The following NEDD9 variants were observed in gnomAD, a reference collection of about 807,000 sequenced individuals.
NEDD9 encodes neural precursor cell expressed, developmentally down-regulated 9.
Under a neutral mutation model 76.6 loss-of-function variants are expected in NEDD9, and 26 were observed. The observed-to-expected ratio is 0.34, with a 90% CI of 0.25 to 0.47. NEDD9 has a LOEUF of 0.47. Ranked by LOEUF, NEDD9 falls within the 20% of genes least tolerant of loss-of-function variation. The pLI is 1.00. For missense variants in NEDD9, 937 were observed against 1,058.5 expected, an observed-to-expected ratio of 0.89 and a Z score of 1.59; for synonymous variants, 392 against 414.2, an observed-to-expected ratio of 0.95 and a Z score of 0.65.
intron 1 of NEDD9, among the ~76,000 whole-genome samples, chr6:11,350,676 C>T (rs1274842859): frequency 1.3e-5 from 2 of 152,140 alleles, no homozygotes; most frequent in African/African-American, 2.4e-5. Flanking sequence ...CAATGATTGG[C>T]TTATTGAGCC....
At chr6:11,329,362 A>G (rs961398098) in intron 2 of NEDD9, among the ~76,000 whole-genome samples, 9 of 151,758 alleles carry the variant, frequency 5.9e-5, no homozygotes, top group Admixed American at 1.3e-4. Context: ...GCCCGGGGCA[A>G]CTCCTTCACC....
chr6:11,324,788 G>A (rs1332087527), intron 2 of NEDD9, among the ~76,000 whole-genome samples: 1 of 152,204 alleles, frequency 6.6e-6, no homozygotes, highest in Admixed American at 6.5e-5. Flanking sequence ...GCTGGGGAGG[G>A]GGAGGGACAC....
intron 1 of NEDD9, among the ~76,000 whole-genome samples, chr6:11,381,401 C>T (rs1273621349): frequency 6.6e-6 from 1 of 152,162 alleles, no homozygotes; most frequent in Non-Finnish European, 1.5e-5. Context: ...ACGATTGTCC[C>T]CTTTATGATT....
At chr6:11,308,438 C>T (rs1372725201) in intron 2 of NEDD9, among the ~76,000 whole-genome samples, 3 of 140,870 alleles carry the variant, frequency 2.1e-5, no homozygotes, top group South Asian at 2.2e-4. Context: ...GGCGCAATCT[C>T]GGCTCACTGC....
At chr6:11,346,067 G>C (rs1306400825) in intron 1 of NEDD9, among the ~76,000 whole-genome samples, 1 of 152,212 alleles carries the variant, frequency 6.6e-6, no homozygotes, top group Admixed American at 6.5e-5. Flanking sequence ...GCCACTCTCT[G>C]ACATGGTCTA....
chr6:11,371,599 A>G (rs1762876324), intron 1 of NEDD9, among the ~76,000 whole-genome samples: 1 of 152,224 alleles, frequency 6.6e-6, no homozygotes, highest in Non-Finnish European at 1.5e-5. Flanking sequence ...TTTGTTTTAC[A>G]AACGTATTTG....
At chr6:11,227,944 A>T (rs1759352773) in intron 1 of NEDD9, among the ~76,000 whole-genome samples, 1 of 152,134 alleles carries the variant, frequency 6.6e-6, no homozygotes, top group Non-Finnish European at 1.5e-5. Context: ...AAGTCATGTA[A>T]ACGCAAACAG....
At position 11,353,164 on chromosome 6, in the gene NEDD9, T is replaced by C. The variant is rs376159008; in HGVS notation, c.-213-18603A>G. The stretch of plus-strand genomic sequence containing the variant: ...CCAAGATCAAAGAGTTATTTTTCTG[T>C]CCCTGTTTTTCTCTTTCCTGGCTGC... On this transcript the variant is annotated intron_variant, in intron 1 of 3. Coordinates refer to the NEDD9 transcript ENST00000397378. Among the ~76,000 whole-genome samples the C allele has an allele frequency of 2.2e-4, 33 of 152,380 alleles. No homozygotes were observed. In the East Asian group the frequency reaches 3.8e-3, roughly 18 times the overall value.
chr6:11,230,019 T>G (rs993622300), intron 1 of NEDD9, among the ~76,000 whole-genome samples: 7 of 152,234 alleles, frequency 4.6e-5, no homozygotes, highest in Non-Finnish European at 1.0e-4. Flanking sequence ...ATTTTAAGGT[T>G]TGTGCTAAAT....
intron 4 of NEDD9, among the ~76,000 whole-genome samples, chr6:11,192,060 C>T (rs1034677033): frequency 6.6e-6 from 1 of 152,150 alleles, no homozygotes; most frequent in South Asian, 2.1e-4. Flanking sequence ...TAGTACTTGC[C>T]AAACTGAACT....
At chr6:11,321,520 C>A (rs920837751) in intron 2 of NEDD9, among the ~76,000 whole-genome samples, 5 of 152,194 alleles carry the variant, frequency 3.3e-5, no homozygotes, top group African/African-American at 9.7e-5. Flanking sequence ...CTTTGCCTCT[C>A]AAGGGAGCTG....
chr6:11,338,249 G>A (rs1762203981), intron 1 of NEDD9, among the ~76,000 whole-genome samples: 1 of 152,158 alleles, frequency 6.6e-6, no homozygotes, highest in South Asian at 2.1e-4. Flanking sequence ...GAACATGAAA[G>A]CAGAGATTAG....
At chr6:11,264,413 T>C (rs1486162190) in intron 3 of NEDD9, among the ~76,000 whole-genome samples, 2 of 152,046 alleles carry the variant, frequency 1.3e-5, no homozygotes, top group African/African-American at 2.4e-5. Flanking sequence ...GTGGTGTCTA[T>C]AAAGATTGAG....
chr6:11,247,590 C>T (rs1478613042), intron 3 of NEDD9, among the ~76,000 whole-genome samples: 1 of 152,174 alleles, frequency 6.6e-6, no homozygotes, highest in Non-Finnish European at 1.5e-5. Flanking sequence ...CATCAGCCAT[C>T]ACTCCCCATT....
At chr6:11,353,413 A>G (rs1307117395) in intron 1 of NEDD9, among the ~76,000 whole-genome samples, 1 of 152,236 alleles carries the variant, frequency 6.6e-6, no homozygotes, top group East Asian at 1.9e-4. Flanking sequence ...GGCCCTGTGA[A>G]GATGGAGGCA....
intron 1 of NEDD9, among the ~76,000 whole-genome samples, chr6:11,369,102 C>T (rs1057394605): frequency 2.6e-5 from 4 of 152,324 alleles, no homozygotes; most frequent in African/African-American, 9.6e-5. Flanking sequence ...TGAACTCAGG[C>T]AGTTGGTTCT....
At chr6:11,296,841 G>A (rs1013250326) in intron 3 of NEDD9, among the ~76,000 whole-genome samples, 2 of 152,078 alleles carry the variant, frequency 1.3e-5, no homozygotes, top group Non-Finnish European at 2.9e-5. Context: ...CAATTCTCCT[G>A]CCTCAGCCTC....
intron 1 of NEDD9, among the ~76,000 whole-genome samples, chr6:11,357,489 A>G (rs1011689094): frequency 1.3e-5 from 2 of 152,228 alleles, no homozygotes; most frequent in Non-Finnish European, 2.9e-5. Context: ...AGAGAAAGCC[A>G]CTGACCATTA....
chr6:11,369,515 G>A (rs1163303461), intron 1 of NEDD9, among the ~76,000 whole-genome samples: 2 of 152,154 alleles, frequency 1.3e-5, no homozygotes, highest in Non-Finnish European at 2.9e-5. Flanking sequence ...GATTGTGCAC[G>A]TGTACACACA....
Sources: allele counts gnomAD v4.1 joint callset (sites outside exome capture counted in the v4.1 genomes callset), GRCh38; gene constraint gnomAD v4.1.1; transcripts MANE v1.5; gene names NCBI Gene and HGNC (gene_info 2026-07-23, HGNC 2026-07-21).